NOL4L: variants seen among roughly 807,000 people sequenced by gnomAD.
The protein encoded by NOL4L is nucleolar protein 4-like.
Under a neutral mutation model 64.5 loss-of-function variants are expected in NOL4L, and 7 were observed. The ratio of observed to expected loss-of-function variants is 0.11; its 90% CI spans 0.06 to 0.20. The LOEUF is 0.20. Among genes scored for constraint, NOL4L ranks in the 10% least tolerant of loss-of-function variants. The pLI, the probability that NOL4L is intolerant of heterozygous loss-of-function variation, is 1.00. For missense variants in NOL4L, 680 were observed against 967.1 expected (o/e 0.70, Z 3.94); for synonymous variants, 413 against 401.0 (o/e 1.03, Z -0.36).
chr20:32,492,402 G>T (rs2016502925), intron 4 of NOL4L, among the ~76,000 whole-genome samples: 1 of 152,222 alleles, frequency 6.6e-6, no homozygotes, highest in African/African-American at 2.4e-5. Flanking sequence ...CAGGTCAGTG[G>T]TCACCCTGGC....
intron 4 of NOL4L, chr20:32,510,328 G>A (rs771629517): frequency 8.0e-6 from 2 of 250,606 alleles, no homozygotes; most frequent in East Asian, 9.2e-5. Flanking sequence ...AAAGGAATAC[G>A]CAGCTCTGCA....
chr20:32,506,498 C>T (rs1049165221), intron 4 of NOL4L, among the ~76,000 whole-genome samples: 4 of 152,090 alleles, frequency 2.6e-5, no homozygotes, highest in Non-Finnish European at 5.9e-5. Context: ...CCCATCTCTA[C>T]TAAAAATACA....
intron 1 of NOL4L, among the ~76,000 whole-genome samples, chr20:32,545,759 C>G (rs1433708765): frequency 6.6e-6 from 1 of 152,184 alleles, no homozygotes; most frequent in African/African-American, 2.4e-5. Flanking sequence ...TCCGCTGTCC[C>G]AGGGGCTGGA....
intron 4 of NOL4L, among the ~76,000 whole-genome samples, chr20:32,480,142 C>T (rs2015627058): frequency 1.3e-5 from 2 of 152,192 alleles, no homozygotes; most frequent in South Asian, 4.1e-4. Context: ...GAACTGGGTT[C>T]CTGGTGCCTC....
intron 1 of NOL4L, among the ~76,000 whole-genome samples, chr20:32,530,352 T>C (rs1407766652): frequency 2.6e-5 from 4 of 151,942 alleles, no homozygotes; most frequent in Admixed American, 2.0e-4. Context: ...CCATCCTGGC[T>C]AACATGGTGA....
rs1000573408 is a variant in NOL4L, at chr20:32,536,394, G to C, written c.322-8481C>G. On this transcript the variant is annotated intron_variant, in intron 1 of 10. Coordinates refer to ENST00000621426, the MANE Select transcript of NOL4L (RefSeq NM_001256798.2). Reference sequence around the variant, plus strand: ...GCCGGGGGAAGAGGTGGGGCTGGAGGGGGAGGGGAGTGGGCCGCGCTAATG... The same window carrying C: ...GCCGGGGGAAGAGGTGGGGCTGGAGCGGGAGGGGAGTGGGCCGCGCTAATG... The C allele has an allele frequency of 3.6e-6, 3 of 823,872 alleles. No individual in the cohort carries two copies. The African/African-American group carries it at 5.5e-5, about 15-fold the overall frequency. 51.0% of individuals were successfully genotyped at this position (823,872 alleles called of 1,614,324 possible).
chr20:32,525,412 G>A (rs1163079368), intron 2 of NOL4L, among the ~76,000 whole-genome samples: 2 of 152,228 alleles, frequency 1.3e-5, no homozygotes, highest in African/African-American at 4.8e-5. Context: ...AGGCTCTGGG[G>A]TGGGTGGCCT....
At chr20:32,457,201 G>A (rs2013623418) in intron 5 of NOL4L, among the ~76,000 whole-genome samples, 1 of 152,242 alleles carries the variant, frequency 6.6e-6, no homozygotes, top group East Asian at 1.9e-4. Flanking sequence ...CAGGGGACCA[G>A]ACAGTTCCAG....
chr20:32,488,624 G>C (rs1310558796), intron 4 of NOL4L, among the ~76,000 whole-genome samples: 1 of 152,180 alleles, frequency 6.6e-6, no homozygotes, highest in Admixed American at 6.5e-5. Flanking sequence ...ATCTGAGGGA[G>C]GAAGAACAGT....
chr20:32,504,357 G>A (rs1203084176), intron 4 of NOL4L, among the ~76,000 whole-genome samples: 6 of 151,896 alleles, frequency 4.0e-5, no homozygotes, highest in Admixed American at 2.0e-4. Flanking sequence ...TCAGTAGATC[G>A]AGACCATCCT....
At chr20:32,510,154 T>C in intron 4 of NOL4L, 1 of 369,998 alleles carries the variant, frequency 2.7e-6, no homozygotes, top group South Asian at 2.0e-5. Context: ...TGATGTGAAG[T>C]TTTTGGAGAT....
At chr20:32,569,260 A>G (rs548717953) in intron 1 of NOL4L, among the ~76,000 whole-genome samples, 10 of 152,300 alleles carry the variant, frequency 6.6e-5, no homozygotes, top group African/African-American at 2.4e-4. Context: ...GTGTGGCTGA[A>G]GGAAAGTGAG....
At chr20:32,510,060 G>C in intron 4 of NOL4L, 1 of 764,218 alleles carries the variant, frequency 1.3e-6, no homozygotes, top group Non-Finnish European at 2.0e-6. Flanking sequence ...CCTCATTACC[G>C]ACACTCCTGC....
chr20:32,569,600 C>T (rs947459700), intron 1 of NOL4L, among the ~76,000 whole-genome samples: 2 of 152,106 alleles, frequency 1.3e-5, no homozygotes, highest in African/African-American at 4.8e-5. Context: ...GCAGGGCTGG[C>T]ATGGGGGACT....
intron 5 of NOL4L, among the ~76,000 whole-genome samples, chr20:32,462,901 C>CT (rs2040698525): frequency 5.4e-5 from 2 of 36,948 alleles, no homozygotes; most frequent in Non-Finnish European, 8.2e-5. Flanking sequence ...GAGACTCTGT[C>CT]TTAAAAAAAA....
intron 4 of NOL4L, among the ~76,000 whole-genome samples, chr20:32,481,766 G>A (rs1448577141): frequency 6.6e-6 from 1 of 152,218 alleles, no homozygotes; most frequent in African/African-American, 2.4e-5. Flanking sequence ...TACTACCCGG[G>A]GGGCTAAACT....
chr20:32,569,735 G>A (rs776667011), intron 1 of NOL4L, among the ~76,000 whole-genome samples: 3 of 152,142 alleles, frequency 2.0e-5, no homozygotes, highest in Non-Finnish European at 2.9e-5. Flanking sequence ...CAGCCAGGGG[G>A]GTACCTGGTA....
intron 1 of NOL4L, among the ~76,000 whole-genome samples, chr20:32,576,213 G>A (rs1292359314): frequency 2.0e-5 from 3 of 152,166 alleles, no homozygotes; most frequent in Non-Finnish European, 4.4e-5. Flanking sequence ...GGCTGTTTGT[G>A]GGAAGAAGGG....
intron 6 of NOL4L, among the ~76,000 whole-genome samples, chr20:32,454,917 C>T (rs533812143): frequency 5.9e-5 from 9 of 152,334 alleles, no homozygotes; most frequent in Non-Finnish European, 8.8e-5. Context: ...GCACGGCCCC[C>T]GCCAGGCCTC....
Sources: gnomAD v4.1 joint callset for allele counts (sites outside exome capture counted in the v4.1 genomes callset) on GRCh38, gnomAD v4.1.1 for gene constraint, MANE v1.5 for transcripts, NCBI Gene and HGNC (gene_info 2026-07-23, HGNC 2026-07-21) for gene names.